MED21: variants seen among roughly 807,000 people sequenced by gnomAD.
MED21 encodes the protein mediator of RNA polymerase II transcription subunit 21.
Under a neutral mutation model 18.2 loss-of-function variants are expected in MED21, and 9 were observed. The observed-to-expected ratio is 0.49, with a 90% CI of 0.30 to 0.86. MED21 has a LOEUF of 0.86. Among genes scored for constraint, MED21 ranks in the 40% least tolerant of loss-of-function variants. The pLI is 0.07. For synonymous variants in MED21, 73 were observed against 60.5 expected (o/e 1.21, Z -0.96); for missense variants, 150 against 170.9 (o/e 0.88, Z 0.68).
In MED21 at chr12:27,030,607, G is replaced by A. The variant is rs1941608609; in HGVS notation, c.*2146G>A. On this transcript the variant is annotated 3_prime_UTR_variant, in exon 4 of 4. Transcript: ENST00000282892. ...TAATTAAATGTCAATGATCTAAGCT[G>A]ATTTAAATCTAAAAACTGGATAAGA... 6.4e-6 allele frequency: 1 copy of A among 157,448 alleles called. No homozygotes were observed. Among genetic ancestry groups the A allele is most frequent in the Admixed American group, 6.5e-5 (1 of 15,400 alleles). The allele number at this position is 157,448 out of a possible 1,614,324, so 9.8% of individuals were successfully genotyped here.
At chr12:27,022,950 T>C in intron 1 of MED21, 1 of 1,157,000 alleles carries the variant, frequency 8.6e-7, no homozygotes, top group South Asian at 2.0e-5. Flanking sequence ...TCAGTGGTGC[T>C]TACGGGTTCT....
intron 1 of MED21, 69 bp from the exon 2 acceptor site, chr12:27,026,351 G>T: frequency 1.1e-6 from 1 of 869,954 alleles, no homozygotes; most frequent in Non-Finnish European, 1.9e-6. Context: ...TATTGTTGTT[G>T]CCATTACCAA....
chr12:27,033,934 G>C (rs1941634751), downstream of MED21, among the ~76,000 whole-genome samples: 2 of 152,000 alleles, frequency 1.3e-5, no homozygotes, highest in African/African-American at 4.8e-5. Context: ...CTAACTGAAA[G>C]AGAAAGAAAG....
intron 1 of MED21, 137 bp downstream of exon 1, chr12:27,022,758 G>GGCGCTCTCC: frequency 6.5e-7 from 1 of 1,549,922 alleles, no homozygotes; most frequent in South Asian, 1.2e-5. Flanking sequence ...CGCTCTCTCG[G>GGCGCTCTCC]GAGGCGCCAC....
At chr12:27,022,674 A>G in intron 1 of MED21, 53 bp downstream of exon 1, 1 of 1,612,128 alleles carries the variant, frequency 6.2e-7, no homozygotes, top group African/African-American at 1.3e-5. Flanking sequence ...GAGGTAAAGC[A>G]AGGGAGGAAA....
chr12:27,025,004 G>A (rs552140589), intron 1 of MED21, among the ~76,000 whole-genome samples: 53 of 152,222 alleles, frequency 3.5e-4, no homozygotes, highest in African/African-American at 1.1e-3. Context: ...AAGCTATGTC[G>A]CATTCACTAT....
At chr12:27,037,458 C>G (rs1210871392) in intron 2 of MED21, 1 of 151,870 alleles carries the variant, frequency 6.6e-6, no homozygotes, top group Non-Finnish European at 1.5e-5. Flanking sequence ...ATTGCCCTGG[C>G]CAGAACTTCC....
At chr12:27,024,065 C>T (rs1314848917) in intron 1 of MED21, among the ~76,000 whole-genome samples, 1 of 152,194 alleles carries the variant, frequency 6.6e-6, no homozygotes, top group East Asian at 1.9e-4. Context: ...TTATTATAAC[C>T]ATAGGGGACT....
intron 2 of MED21, chr12:27,038,758 T>G (rs972124024): frequency 9.2e-5 from 14 of 152,236 alleles, no homozygotes; most frequent in African/African-American, 3.4e-4. Context: ...AATTGGTTTC[T>G]ATATGTATTT....
At chr12:27,025,059 A>T (rs1941526111) in intron 1 of MED21, among the ~76,000 whole-genome samples, 1 of 152,208 alleles carries the variant, frequency 6.6e-6, no homozygotes, top group Admixed American at 6.5e-5. Context: ...TTTTCCATAA[A>T]TTTTTGTTGA....
At chr12:27,036,156 T>C (rs964192789) in intron 2 of MED21, among the ~76,000 whole-genome samples, 7 of 152,340 alleles carry the variant, frequency 4.6e-5, no homozygotes, top group African/African-American at 1.4e-4. Context: ...TGATATCCCA[T>C]TGTGGTTTTG....
At chr12:27,023,447 C>T (rs1433421539) in intron 1 of MED21, among the ~76,000 whole-genome samples, 2 of 151,936 alleles carry the variant, frequency 1.3e-5, no homozygotes, top group Non-Finnish European at 2.9e-5. Flanking sequence ...CAGGCGCCCT[C>T]CACCACGCCC....
In MED21 at chr12:27,028,544, C is replaced by G; in HGVS notation, c.*83C>G. On this transcript the variant is annotated 3_prime_UTR_variant, in exon 4 of 4. Transcript: ENST00000282892. ...GCATCAGACTTAGATACAAGCCTTACCAACAATTACAGAAACATTAAACAC... is the reference window on the plus strand; with the variant it reads ...GCATCAGACTTAGATACAAGCCTTAGCAACAATTACAGAAACATTAAACAC... The G allele has an allele frequency of 1.3e-6, 2 of 1,488,366 alleles. No individual in the cohort carries two copies. Among genetic ancestry groups the G allele is most frequent in the Non-Finnish European group, 1.8e-6 (2 of 1,114,240 alleles). 92.2% of individuals were successfully genotyped at this position (1,488,366 alleles called of 1,614,324 possible). A position where few individuals can be genotyped will look rare whatever the true frequency, so the allele number is the denominator to read the frequency against.
rs1384106903 is a variant in MED21 at position 27,030,057 on chromosome 12, T to TA, written c.*1597dup. 6.6e-6 allele frequency: 3 copies of TA among 453,926 alleles called. No homozygotes were observed. Among genetic ancestry groups the TA allele is most frequent in the Non-Finnish European group, 1.2e-5 (3 of 253,162 alleles). The allele number at this position is 453,926 out of a possible 1,614,324, so 28.1% of individuals were successfully genotyped here. On this transcript the variant is annotated 3_prime_UTR_variant, in exon 4 of 4. Coordinates refer to ENST00000282892, the MANE Select transcript of MED21 (RefSeq NM_004264.5). The stretch of plus-strand genomic sequence containing the variant: ...AGACTTCTCTTGAGGTTTTAAAAAT[T>TA]ACATTTGTTATTTGAAAGAAAAAAA...
intron 3 of MED21, among the ~76,000 whole-genome samples, 190 bp downstream of exon 3, chr12:27,027,637 A>G (rs1941563020): frequency 1.3e-5 from 2 of 152,194 alleles, no homozygotes; most frequent in South Asian, 2.1e-4. Context: ...CAAGGCATTT[A>G]TTACTCACTG....
In MED21 at chr12:27,029,223, T is replaced by C. The variant is rs1322718169; in HGVS notation, c.*762T>C. On this transcript the variant is annotated 3_prime_UTR_variant, in exon 4 of 4. Coordinates refer to ENST00000282892, the MANE Select transcript of MED21 (RefSeq NM_004264.5). ...AATTCTTTCTCATTCTCCATTTATC[T>C]GAAGGTTCTTTTGCCCTTATTAACC... 3 of 985,288 alleles carry C rather than the reference T, an allele frequency of 3.0e-6. No homozygotes were observed. In the African/African-American group the frequency reaches 5.2e-5, roughly 17 times the overall value. The allele number at this position is 985,288 out of a possible 1,614,324, so 61.0% of individuals were successfully genotyped here.
downstream of MED21, among the ~76,000 whole-genome samples, chr12:27,032,888 G>A (rs948829943): frequency 6.6e-6 from 1 of 152,172 alleles, no homozygotes; most frequent in Admixed American, 6.5e-5. Context: ...GCACTGGACT[G>A]TGGAATAGTC....
chr12:27,027,515 G>C, intron 3 of MED21, 68 bp downstream of exon 3: 2 of 1,137,212 alleles, frequency 1.8e-6, no homozygotes, highest in Non-Finnish European at 1.3e-6. Context: ...GGTAGATTTA[G>C]TACCTTTTGT....
intron 1 of MED21, 189 bp downstream of exon 1, chr12:27,022,810 G>GAA (rs1350036168): frequency 6.6e-7 from 1 of 1,511,070 alleles, no homozygotes; most frequent in African/African-American, 1.4e-5. Flanking sequence ...GGCGGTGCTT[G>GAA]AAGGTGCGGG....
Sources: allele counts gnomAD v4.1 joint callset (sites outside exome capture counted in the v4.1 genomes callset), GRCh38; gene constraint gnomAD v4.1.1; transcripts MANE v1.5; gene names NCBI Gene and HGNC (gene_info 2026-07-23, HGNC 2026-07-21).